PTPRD: variants seen among roughly 807,000 people sequenced by gnomAD.
The protein encoded by PTPRD is receptor-type tyrosine-protein phosphatase delta.
A neutral mutation model predicts 214.5 loss-of-function variants in PTPRD; 34 were observed. The ratio of observed to expected loss-of-function variants is 0.16; its 90% CI spans 0.12 to 0.21. PTPRD has a LOEUF of 0.21. Among genes scored for constraint, PTPRD ranks in the 10% least tolerant of loss-of-function variants. PTPRD has a pLI of 1.00. For synonymous variants in PTPRD, 1,128 were observed against 845.7 expected, an observed-to-expected ratio of 1.33 and a Z score of -5.79; for missense variants, 2,545 against 2,398.7, an observed-to-expected ratio of 1.06 and a Z score of -1.27.
At chr9:8,579,263 A>G (rs2092797741) in intron 14 of PTPRD, among the ~76,000 whole-genome samples, 1 of 152,226 alleles carries the variant, frequency 6.6e-6, no homozygotes, top group African/African-American at 2.4e-5. Context: ...TCATAATACA[A>G]AAGCTTCTTT....
At chr9:8,576,229 T>C (rs572816983) in intron 14 of PTPRD, among the ~76,000 whole-genome samples, 1 of 152,314 alleles carries the variant, frequency 6.6e-6, no homozygotes, top group East Asian at 1.9e-4. Flanking sequence ...GATTCTATCA[T>C]ATTTATAAAA....
chr9:9,752,580 C>A (rs990768656), intron 6 of PTPRD, among the ~76,000 whole-genome samples: 1 of 151,928 alleles, frequency 6.6e-6, no homozygotes, highest in Admixed American at 6.6e-5. Flanking sequence ...ACTCCAAATT[C>A]TGCACATGGA....
chr9:8,504,991 T>A (rs2097510985), intron 22 of PTPRD, among the ~76,000 whole-genome samples: 1 of 152,202 alleles, frequency 6.6e-6, no homozygotes, highest in Non-Finnish European at 1.5e-5. Context: ...GAAAGTTGAA[T>A]AATTTATCTG....
At chr9:10,002,928 A>G (rs573560199) in intron 4 of PTPRD, among the ~76,000 whole-genome samples, 9 of 151,780 alleles carry the variant, frequency 5.9e-5, no homozygotes, top group Non-Finnish European at 1.0e-4. Context: ...TATTAATTAT[A>G]TCTTATAGTA....
intron 31 of PTPRD, among the ~76,000 whole-genome samples, chr9:8,466,307 G>A (rs2096543309): frequency 6.6e-6 from 1 of 151,824 alleles, no homozygotes; most frequent in Admixed American, 6.6e-5. Context: ...ACTTTATCAT[G>A]GAGTCAACTT....
At chr9:9,676,949 C>G (rs1326989915) in intron 7 of PTPRD, among the ~76,000 whole-genome samples, 3 of 152,058 alleles carry the variant, frequency 2.0e-5, no homozygotes, top group Non-Finnish European at 4.4e-5. Context: ...TGTTCATATC[C>G]TTCGCCCACT....
At chr9:9,588,062 C>T (rs1375798542) in intron 7 of PTPRD, among the ~76,000 whole-genome samples, 1 of 151,936 alleles carries the variant, frequency 6.6e-6, no homozygotes, top group East Asian at 1.9e-4. Context: ...AATATCCTGA[C>T]TTGATCATAA....
chr9:9,654,239 G>T (rs1013231164), intron 7 of PTPRD, among the ~76,000 whole-genome samples: 1 of 152,064 alleles, frequency 6.6e-6, no homozygotes, highest in Non-Finnish European at 1.5e-5. Context: ...AATATCTTTA[G>T]TAAGAGTGAG....
intron 10 of PTPRD, among the ~76,000 whole-genome samples, chr9:9,172,975 C>T (rs1309157160): frequency 2.6e-5 from 4 of 152,112 alleles, no homozygotes; most frequent in Non-Finnish European, 5.9e-5. Flanking sequence ...TGAGAGATCA[C>T]CTCACTCAGA....
At chr9:9,848,391 C>T (rs776531083) in intron 5 of PTPRD, among the ~76,000 whole-genome samples, 13 of 152,116 alleles carry the variant, frequency 8.5e-5, no homozygotes, top group African/African-American at 2.4e-4. Context: ...ATCAAAATCA[C>T]GTAAAATGAT....
chr9:10,261,028 AT>A (rs1327900450), intron 3 of PTPRD, among the ~76,000 whole-genome samples: 3,836 of 115,860 alleles, frequency 0.033, 166 homozygotes, highest in African/African-American at 0.1. Flanking sequence ...GTGTATATAT[AT>A]TATATATGTG....
chr9:10,229,267 GT>G (rs2099599975), intron 3 of PTPRD, among the ~76,000 whole-genome samples: 2 of 152,068 alleles, frequency 1.3e-5, no homozygotes, highest in African/African-American at 4.8e-5. Context: ...CTGTAAACTA[GT>G]TCAATCATTG....
chr9:10,578,633 G>C (rs2070475451), intron 2 of PTPRD, among the ~76,000 whole-genome samples: 1 of 152,110 alleles, frequency 6.6e-6, no homozygotes, highest in Non-Finnish European at 1.5e-5. Context: ...TCTTCTCATA[G>C]AAGTAAATAA....
At chr9:10,296,574 G>A (rs567515323) in intron 3 of PTPRD, among the ~76,000 whole-genome samples, 19 of 152,014 alleles carry the variant, frequency 1.2e-4, no homozygotes, top group Non-Finnish European at 2.2e-4. Flanking sequence ...TGCAGCACCC[G>A]ATTAAAGCCT....
intron 3 of PTPRD, among the ~76,000 whole-genome samples, chr9:10,264,171 G>T (rs1324531109): frequency 6.6e-6 from 1 of 152,202 alleles, no homozygotes; most frequent in Non-Finnish European, 1.5e-5. Context: ...AGGACAGTGT[G>T]GAAGGGAAAT....
chr9:10,231,989 AGT>A (rs61314978), intron 3 of PTPRD, among the ~76,000 whole-genome samples: 1,552 of 92,464 alleles, frequency 0.017, 13 homozygotes, highest in Non-Finnish European at 0.023. Context: ...AGAGAGAGAG[AGT>A]GTGTGTGTGT....
chr9:8,868,209 T>G (rs1342696408), intron 11 of PTPRD, among the ~76,000 whole-genome samples: 1 of 152,076 alleles, frequency 6.6e-6, no homozygotes, highest in Middle Eastern at 3.2e-3. Flanking sequence ...CATTTATTTG[T>G]TTATATTTTG....
At position 8,668,111 on chromosome 9, in the gene PTPRD, A is replaced by G. The variant is rs533001517; in HGVS notation, c.65-31267T>C. Among the ~76,000 whole-genome samples, 15 of 152,166 alleles carry G rather than the reference A, an allele frequency of 9.9e-5. No homozygotes were observed. In the South Asian group the frequency reaches 1.0e-3, roughly 11 times the overall value. Reference sequence around the variant, plus strand: ...TACCATGTTGTGCTAGTGTAAAAATATATCACCCTGGAAAGAAATTCCAGT... The same window carrying G: ...TACCATGTTGTGCTAGTGTAAAAATGTATCACCCTGGAAAGAAATTCCAGT... On this transcript the variant is annotated intron_variant, in intron 12 of 45. Coordinates refer to ENST00000381196, the MANE Select transcript of PTPRD (RefSeq NM_002839.4).
intron 11 of PTPRD, among the ~76,000 whole-genome samples, chr9:8,961,592 G>A (rs533772020): frequency 6.6e-6 from 1 of 152,056 alleles, no homozygotes; most frequent in Non-Finnish European, 1.5e-5. Flanking sequence ...CTGCATCAAG[G>A]TTGAGGACAT....
Sources: allele counts gnomAD v4.1 joint callset (sites outside exome capture counted in the v4.1 genomes callset), GRCh38; gene constraint gnomAD v4.1.1; transcripts MANE v1.5; gene names NCBI Gene and HGNC (gene_info 2026-07-23, HGNC 2026-07-21).